The following PSPC1 variants were observed in gnomAD, a reference collection of about 807,000 sequenced individuals.
The protein encoded by PSPC1 is paraspeckle component 1, also known as paraspeckle protein 1.
PSPC1 carries 14 observed loss-of-function variants against 51.6 expected under a neutral mutation model. The ratio of observed to expected loss-of-function variants is 0.27; its 90% confidence interval spans 0.18 to 0.42. The LOEUF (loss-of-function observed/expected upper bound fraction) is 0.42, where lower values mean the gene tolerates loss of function less well. Among genes scored for constraint, PSPC1 ranks in the 10% least tolerant of loss-of-function variants. The probability of loss-of-function intolerance (pLI) is 1.00; values close to 1 mark genes in which losing one functional copy is unlikely to be tolerated. For missense variants in PSPC1, 406 were observed against 701.1 expected (o/e 0.58, Z 4.75); for synonymous variants, 193 against 231.9 (o/e 0.83, Z 1.53).
chr13:19,677,947 T>TC, intron 6 of PSPC1: 1 of 394,022 alleles, frequency 2.5e-6, no homozygotes, highest in East Asian at 7.4e-5. Flanking sequence ...TACCATGTAG[T>TC]GCTGCGTGCT....
intron 3 of PSPC1, among the ~76,000 whole-genome samples, chr13:19,758,268 G>C (rs979374307): frequency 6.6e-6 from 1 of 151,434 alleles, no homozygotes; most frequent in African/African-American, 2.4e-5. Flanking sequence ...AGCCGAGATC[G>C]TGCCACTGCA....
chr13:19,747,582 C>G (rs541242982), intron 4 of PSPC1, among the ~76,000 whole-genome samples: 1 of 152,286 alleles, frequency 6.6e-6, no homozygotes, highest in Admixed American at 6.5e-5. Flanking sequence ...ATCCTCCCAC[C>G]TCAGCTTCCC....
At chr13:19,710,842 AT>A (rs67829860) in intron 6 of PSPC1, among the ~76,000 whole-genome samples, 100,842 of 149,038 alleles carry the variant, frequency 0.68, 36,095 homozygotes, top group East Asian at 0.88. Context: ...AAAAAGCTTA[AT>A]TTTTTTTTTT....
chr13:19,715,720 A>T (rs1882006649), intron 6 of PSPC1, among the ~76,000 whole-genome samples: 2 of 152,188 alleles, frequency 1.3e-5, no homozygotes, highest in Admixed American at 6.5e-5. Context: ...ACAGTGAGAC[A>T]CTGTCTCTTA....
rs117094534 is a variant in PSPC1 at position 19,696,975 on chromosome 13, T to C, written c.1159-19152A>G. Among the ~76,000 whole-genome samples the C allele has an allele frequency of 4.6e-3, 695 of 152,336 alleles. 5 individuals carry two copies. The highest frequency in any genetic ancestry group is 0.027 in the South Asian group (129 of 4,826). On this transcript the variant is annotated intron_variant and NMD_transcript_variant, in intron 6 of 7. Transcript: ENST00000471658. Reference sequence around the variant, plus strand: ...AACACTCAATAGCTAATATGTTTCCTAGTCAGAAATAATGGACTTTTGCAG... The same window carrying C: ...AACACTCAATAGCTAATATGTTTCCCAGTCAGAAATAATGGACTTTTGCAG...
At chr13:19,761,847 T>C (rs1031296854) in intron 2 of PSPC1, among the ~76,000 whole-genome samples, 1 of 151,958 alleles carries the variant, frequency 6.6e-6, no homozygotes, top group Admixed American at 6.6e-5. Flanking sequence ...AGATAAAAGG[T>C]GCACCTGAGC....
intron 6 of PSPC1, among the ~76,000 whole-genome samples, chr13:19,687,125 C>T (rs1362025899): frequency 4.6e-5 from 7 of 152,114 alleles, no homozygotes; most frequent in South Asian, 2.1e-4. Flanking sequence ...CACTTGAATC[C>T]GGGAGGCGGA....
intron 4 of PSPC1, among the ~76,000 whole-genome samples, chr13:19,741,988 T>A (rs1046808729): frequency 4.6e-5 from 7 of 151,680 alleles, no homozygotes; most frequent in Non-Finnish European, 1.0e-4. Flanking sequence ...AAAAATTAGC[T>A]GGGCATGGTG....
chr13:19,722,904 G>A (rs2137867515), intron 6 of PSPC1, among the ~76,000 whole-genome samples: 1 of 152,276 alleles, frequency 6.6e-6, no homozygotes, highest in South Asian at 2.1e-4. Context: ...GAGGTAAAGA[G>A]TTCAAGAGCA....
chr13:19,716,057 G>A (rs1882056727), intron 6 of PSPC1, among the ~76,000 whole-genome samples: 1 of 152,068 alleles, frequency 6.6e-6, no homozygotes, highest in Non-Finnish European at 1.5e-5. Context: ...ATTCTATGAA[G>A]TTACCTTCAG....
chr13:19,736,209 GA>G (rs1884764592), intron 5 of PSPC1, among the ~76,000 whole-genome samples: 1 of 152,006 alleles, frequency 6.6e-6, no homozygotes, highest in Admixed American at 6.6e-5. Context: ...CAGCCACCAG[GA>G]AAAACTAAGA....
intron 2 of PSPC1, among the ~76,000 whole-genome samples, chr13:19,762,040 C>T (rs1887645457): frequency 6.6e-6 from 1 of 152,202 alleles, no homozygotes; most frequent in Non-Finnish European, 1.5e-5. Context: ...AAAACTCTGA[C>T]ATCTCTGTAC....
chr13:19,735,039 C>T (rs1334102558), intron 5 of PSPC1, among the ~76,000 whole-genome samples: 1 of 150,848 alleles, frequency 6.6e-6, no homozygotes, highest in Non-Finnish European at 1.5e-5. Flanking sequence ...GGGCCGGGTG[C>T]GGTGGCTCAT....
chr13:19,726,363 C>T (rs959056915), intron 6 of PSPC1, among the ~76,000 whole-genome samples: 3 of 152,170 alleles, frequency 2.0e-5, no homozygotes, highest in African/African-American at 2.4e-5. Context: ...TTCTTTAACA[C>T]GTATATCTCC....
intron 2 of PSPC1, among the ~76,000 whole-genome samples, chr13:19,759,779 T>C (rs1887436141): frequency 6.6e-6 from 1 of 151,748 alleles, no homozygotes; most frequent in South Asian, 2.1e-4. Context: ...GGAGAACTGC[T>C]TGAACCCCAG....
At chr13:19,700,314 C>T (rs1301268266), downstream of PSPC1, among the ~76,000 whole-genome samples, 4 of 152,112 alleles carry the variant, frequency 2.6e-5, no homozygotes, top group Admixed American at 1.3e-4. Context: ...GTTTCAGTCA[C>T]TGTCCTTGTT....
At chr13:19,744,837 A>G (rs1213059671) in intron 4 of PSPC1, among the ~76,000 whole-genome samples, 1 of 152,184 alleles carries the variant, frequency 6.6e-6, no homozygotes, top group Non-Finnish European at 1.5e-5. Flanking sequence ...TGCTGGGATT[A>G]AAGGCGTGAG....
intron 2 of PSPC1, among the ~76,000 whole-genome samples, chr13:19,762,923 T>C (rs546197199): frequency 1.3e-5 from 2 of 152,038 alleles, no homozygotes; most frequent in African/African-American, 4.8e-5. Flanking sequence ...CTGACCAACA[T>C]GGTGAAACCC....
At chr13:19,780,848 G>C (rs914975637) in intron 1 of PSPC1, among the ~76,000 whole-genome samples, 4 of 152,096 alleles carry the variant, frequency 2.6e-5, no homozygotes, top group Admixed American at 6.6e-5. Context: ...TCCAGACAGA[G>C]AACCCAATTT....
Sources: allele counts gnomAD v4.1 joint callset (sites outside exome capture counted in the v4.1 genomes callset), GRCh38; gene constraint gnomAD v4.1.1; transcripts MANE v1.5; gene names NCBI Gene and HGNC (gene_info 2026-07-23, HGNC 2026-07-21).